CASQ2: variants seen among roughly 807,000 people sequenced by gnomAD.
CASQ2 encodes calsequestrin-2.
Under a neutral mutation model 46.5 loss-of-function variants are expected in CASQ2, and 49 were observed. That is an observed-to-expected ratio of 1.05 (90% CI 0.84 to 1.34). The LOEUF (loss-of-function observed/expected upper bound fraction) is 1.34. Ranked by LOEUF, CASQ2 falls within the 40% of genes most tolerant of loss-of-function variation. The probability of loss-of-function intolerance (pLI) is 0.00; values close to 1 mark genes in which losing one functional copy is unlikely to be tolerated. For missense variants in CASQ2, 486 were observed against 481.3 expected (o/e 1.01, Z -0.09); for synonymous variants, 174 against 168.5 (o/e 1.03, Z -0.25).
At chr1:115,705,912 C>A in intron 8 of CASQ2, among the ~76,000 whole-genome samples, 1 of 147,710 alleles carries the variant, frequency 6.8e-6, no homozygotes, top group Non-Finnish European at 1.5e-5. Flanking sequence ...CTAAGAAAAG[C>A]AGAGAGGAGC....
chr1:115,741,104 C>A (rs758872516), intron 2 of CASQ2, among the ~76,000 whole-genome samples: 8 of 152,200 alleles, frequency 5.3e-5, no homozygotes, highest in Non-Finnish European at 1.0e-4. Context: ...TCCAAAAATA[C>A]AGCTGATCCC....
intron 5 of CASQ2, among the ~76,000 whole-genome samples, chr1:115,729,662 T>C (rs1043798990): frequency 4.6e-5 from 7 of 152,258 alleles, no homozygotes; most frequent in African/African-American, 1.2e-4. Flanking sequence ...TGTGCATGTA[T>C]ATGAATTTTG....
At chr1:115,738,434 T>C in intron 3 of CASQ2, 99 bp from the exon 4 acceptor site, 3 of 822,860 alleles carry the variant, frequency 3.6e-6, no homozygotes, top group Non-Finnish European at 6.4e-6. Flanking sequence ...GCGGACTTTG[T>C]GGTTGGTGCC....
intron 8 of CASQ2, among the ~76,000 whole-genome samples, chr1:115,706,174 G>A (rs1654354127): frequency 6.6e-6 from 1 of 151,840 alleles, no homozygotes. Flanking sequence ...GTGTGTGCGT[G>A]CGTGTGTGTA....
At chr1:115,709,895 T>G (rs951089896) in intron 8 of CASQ2, among the ~76,000 whole-genome samples, 2 of 152,352 alleles carry the variant, frequency 1.3e-5, no homozygotes, top group East Asian at 3.9e-4. Flanking sequence ...CAGGCTGAAA[T>G]GCAGTGGTGC....
chr1:115,764,256 TATG>T (rs1288843821), intron 1 of CASQ2, among the ~76,000 whole-genome samples: 8 of 152,180 alleles, frequency 5.3e-5, no homozygotes, highest in African/African-American at 1.7e-4. Flanking sequence ...TAAAAATATG[TATG>T]ATGATACAGT....
chr1:115,759,181 A>G (rs936601321), intron 1 of CASQ2, among the ~76,000 whole-genome samples: 4 of 152,208 alleles, frequency 2.6e-5, no homozygotes, highest in African/African-American at 4.8e-5. Flanking sequence ...TGTAAGTGCT[A>G]TGATTTGGGT....
In CASQ2 at chr1:115,712,353, C is replaced by G. The variant is rs971956708; in HGVS notation, c.838+5487G>C. ...CTGTCTTCTCCTGGCGCTAAGATCC[C>G]AGAATTGGTGAAAAAGTCAAATGAT... is the stretch of plus-strand genomic sequence containing the variant. On this transcript the variant is annotated intron_variant, in intron 8 of 10. Transcript: ENST00000261448. Among the ~76,000 whole-genome samples, 161 of 152,144 alleles carry G rather than the reference C, an allele frequency of 1.1e-3. 1 individual carries two copies. Among genetic ancestry groups the G allele is most frequent in the Non-Finnish European group, 4.3e-4 (29 of 68,028 alleles).
intron 8 of CASQ2, among the ~76,000 whole-genome samples, chr1:115,713,735 C>T (rs74566900): frequency 0.057 from 8,660 of 152,232 alleles, 319 homozygotes; most frequent in Middle Eastern, 0.1. Context: ...TCTGCCTGCT[C>T]GTGTCCCCTT....
At chr1:115,765,344 T>C (rs1351186265) in intron 1 of CASQ2, among the ~76,000 whole-genome samples, 1 of 152,192 alleles carries the variant, frequency 6.6e-6, no homozygotes, top group Admixed American at 6.5e-5. Flanking sequence ...TGGATGGAGC[T>C]GTTTCTGGCT....
intron 2 of CASQ2, 72 bp from the exon 3 acceptor site, chr1:115,740,900 T>G (rs1648153935): frequency 9.4e-7 from 1 of 1,066,852 alleles, no homozygotes; most frequent in African/African-American, 1.6e-5. Context: ...GGCTGAGGTC[T>G]GGCTGAGGGT....
intron 10 of CASQ2, 135 bp downstream of exon 10, chr1:115,702,786 A>T: frequency 1.4e-6 from 1 of 725,116 alleles, no homozygotes; most frequent in East Asian, 2.7e-5. Context: ...ACACACTGGC[A>T]AGTTTCCTTG....
chr1:115,708,521 G>A (rs370036033), intron 8 of CASQ2, among the ~76,000 whole-genome samples: 3 of 152,202 alleles, frequency 2.0e-5, no homozygotes, highest in African/African-American at 4.8e-5. Context: ...CCCTTAGAGT[G>A]TGACTTAGAG....
intron 1 of CASQ2, among the ~76,000 whole-genome samples, chr1:115,763,337 C>A (rs963921084): frequency 6.6e-6 from 1 of 152,088 alleles, no homozygotes; most frequent in Admixed American, 6.5e-5. Context: ...TCAGCAAAGC[C>A]TTGAGAGCAG....
At chr1:115,745,240 A>G (rs542519713) in intron 1 of CASQ2, among the ~76,000 whole-genome samples, 5 of 152,288 alleles carry the variant, frequency 3.3e-5, no homozygotes, top group Admixed American at 6.5e-5. Context: ...GGAAGGAAGC[A>G]TGGGTGCCTG....
At chr1:115,765,077 C>A (rs1649086894) in intron 1 of CASQ2, among the ~76,000 whole-genome samples, 1 of 152,126 alleles carries the variant, frequency 6.6e-6, no homozygotes, top group South Asian at 2.1e-4. Flanking sequence ...TTTCACAAAC[C>A]AACTCTGGCC....
chr1:115,704,758 G>A (rs1483469587), intron 9 of CASQ2, among the ~76,000 whole-genome samples: 2 of 152,168 alleles, frequency 1.3e-5, no homozygotes, highest in East Asian at 1.9e-4. Flanking sequence ...TGACAGGCAC[G>A]CTCGCTTTCT....
chr1:115,723,893 A>C (rs1365157061), intron 7 of CASQ2, among the ~76,000 whole-genome samples: 1 of 152,114 alleles, frequency 6.6e-6, no homozygotes, highest in Non-Finnish European at 1.5e-5. Context: ...GTTTGTTTCT[A>C]TTGTGCTGAG....
rs1302718972 is a variant in CASQ2 at position 115,717,864 on chromosome 1, C to T, written c.814G>A (p.Ala272Thr). 6.2e-7 allele frequency: 1 copy of T among 1,611,488 alleles called. No individual in the cohort carries two copies. Among genetic ancestry groups the T allele is most frequent in the African/African-American group, 1.3e-5 (1 of 74,840 alleles). ...CCTGGATCACTCTTCTCTGCAAAGGCCACAATGTGGATCCCATTCAAATCA... is the reference window on the plus strand; with the variant it reads ...CCTGGATCACTCTTCTCTGCAAAGGTCACAATGTGGATCCCATTCAAATCA... ...EDDLNGIHIVAFAEKSDPDGY... is the reference protein window; with the variant it reads ...EDDLNGIHIVTFAEKSDPDGY... Residue 272 changes from alanine to threonine, a missense_variant, in exon 8 of 11, where the codon GCC (alanine) becomes ACC (threonine). Transcript: ENST00000261448.
Sources: allele counts gnomAD v4.1 joint callset (sites outside exome capture counted in the v4.1 genomes callset), GRCh38; gene constraint gnomAD v4.1.1; transcripts MANE v1.5; gene names NCBI Gene and HGNC (gene_info 2026-07-23, HGNC 2026-07-21).